STXBP5L: variants seen among roughly 807,000 people sequenced by gnomAD.
STXBP5L encodes syntaxin binding protein 5L, also known as syntaxin-binding protein 5-like.
A neutral mutation model predicts 144.5 loss-of-function variants in STXBP5L; 65 were observed. That is an observed-to-expected ratio of 0.45 (90% CI 0.37 to 0.55). The LOEUF is 0.55. Among genes scored for constraint, STXBP5L ranks in the 20% least tolerant of loss-of-function variants. The probability of loss-of-function intolerance (pLI) is 0.00; values close to 1 mark genes in which losing one functional copy is unlikely to be tolerated. For synonymous variants in STXBP5L, 505 were observed against 469.6 expected (o/e 1.08, Z -0.97); for missense variants, 1,298 against 1,405.5 (o/e 0.92, Z 1.22).
intron 3 of STXBP5L, among the ~76,000 whole-genome samples, chr3:120,986,759 AC>A (rs1942324663): frequency 6.6e-6 from 1 of 151,990 alleles, no homozygotes; most frequent in Admixed American, 6.6e-5. Flanking sequence ...GAAATAGCAA[AC>A]AAAAAAATAG....
intron 19 of STXBP5L, among the ~76,000 whole-genome samples, chr3:121,281,884 T>C (rs1166764635): frequency 6.6e-6 from 1 of 151,902 alleles, no homozygotes; most frequent in Non-Finnish European, 1.5e-5. Context: ...AAGACAATCA[T>C]TTTTTATTAA....
intron 3 of STXBP5L, among the ~76,000 whole-genome samples, chr3:120,995,750 A>G (rs1255604426): frequency 1.3e-5 from 2 of 152,128 alleles, no homozygotes; most frequent in Non-Finnish European, 2.9e-5. Flanking sequence ...ATATCAGATA[A>G]TGTTATAACT....
chr3:121,195,074 C>T (rs1326269590), intron 9 of STXBP5L, among the ~76,000 whole-genome samples: 3 of 151,866 alleles, frequency 2.0e-5, no homozygotes, highest in Non-Finnish European at 4.4e-5. Flanking sequence ...CGCCACCATG[C>T]CCAGCTAATT....
chr3:121,298,780 G>A (rs1041271332), intron 19 of STXBP5L, among the ~76,000 whole-genome samples: 2 of 152,160 alleles, frequency 1.3e-5, no homozygotes, highest in Non-Finnish European at 2.9e-5. Context: ...GAGAGCTACT[G>A]TTCAGTGGAT....
intron 19 of STXBP5L, among the ~76,000 whole-genome samples, chr3:121,313,001 C>T (rs924600081): frequency 2.0e-5 from 3 of 152,138 alleles, no homozygotes; most frequent in Non-Finnish European, 2.9e-5. Flanking sequence ...GGGTCATGGC[C>T]GGGCAGAGGG....
intron 5 of STXBP5L, among the ~76,000 whole-genome samples, chr3:121,072,588 C>A (rs929819741): frequency 6.6e-6 from 1 of 152,232 alleles, no homozygotes; most frequent in Non-Finnish European, 1.5e-5. Context: ...CCTGCTCAAA[C>A]GAAGCCTTTT....
intron 5 of STXBP5L, among the ~76,000 whole-genome samples, chr3:121,093,454 G>A (rs2042936913): frequency 6.6e-6 from 1 of 152,174 alleles, no homozygotes; most frequent in Admixed American, 6.5e-5. Context: ...TTCAGCTCCT[G>A]TTATTGGTCT....
chr3:120,998,717 AC>A (rs1214773080), intron 3 of STXBP5L, among the ~76,000 whole-genome samples: 2 of 152,076 alleles, frequency 1.3e-5, no homozygotes, highest in Non-Finnish European at 2.9e-5. Context: ...ATTCCTATAC[AC>A]CAAAAACATC....
At chr3:121,407,957 T>C (rs1245408817) in intron 23 of STXBP5L, among the ~76,000 whole-genome samples, 2 of 152,052 alleles carry the variant, frequency 1.3e-5, no homozygotes, top group East Asian at 1.9e-4. Context: ...ATAAGCTAAA[T>C]AGAAAAGAAG....
At chr3:121,054,146 C>G (rs555063110) in intron 5 of STXBP5L, among the ~76,000 whole-genome samples, 1 of 152,150 alleles carries the variant, frequency 6.6e-6, no homozygotes, top group South Asian at 2.1e-4. Flanking sequence ...GTTGGTGGGA[C>G]TGTAATCTAG....
At chr3:121,311,627 A>G (rs1031140759) in intron 19 of STXBP5L, among the ~76,000 whole-genome samples, 6 of 152,326 alleles carry the variant, frequency 3.9e-5, no homozygotes, top group African/African-American at 1.2e-4. Flanking sequence ...TAGGAATCCA[A>G]CTTACAAGGG....
At chr3:121,028,682 GGTA>G (rs1417873908) in intron 3 of STXBP5L, among the ~76,000 whole-genome samples, 1 of 151,612 alleles carries the variant, frequency 6.6e-6, no homozygotes, top group Non-Finnish European at 1.5e-5. Flanking sequence ...ATTTTTTTCT[GGTA>G]GTAGCAAAGA....
At chr3:121,215,850 AG>A (rs1026069079) in intron 10 of STXBP5L, among the ~76,000 whole-genome samples, 38 of 152,110 alleles carry the variant, frequency 2.5e-4, no homozygotes, top group Admixed American at 2.2e-3. Flanking sequence ...AATCAAACAT[AG>A]GTTTGGTCTT....
rs910672294 is a variant in STXBP5L at position 121,259,039 on chromosome 3, A to C, written c.1833-4A>C. On this transcript the variant is annotated splice_polypyrimidine_tract_variant and splice_region_variant and intron_variant, in intron 17 of 26. Transcript: ENST00000471454. ...ATATAATAGGATTGTTTTTGTTCTT[A>C]AAGTGTGAAGACACGGCCAGTGCGA... 5 of 1,589,794 alleles carry C rather than the reference A, an allele frequency of 3.1e-6. No individual in the cohort carries two copies. The highest frequency in any genetic ancestry group is 4.3e-6 in the Non-Finnish European group (5 of 1,167,224).
intron 3 of STXBP5L, among the ~76,000 whole-genome samples, chr3:120,987,711 A>G (rs1044198991): frequency 1.9e-4 from 29 of 151,838 alleles, no homozygotes; most frequent in Non-Finnish European, 2.8e-4. Context: ...TTTTTAAAAA[A>G]TAAAATTTAC....
At chr3:121,294,066 A>G (rs1577383304) in intron 19 of STXBP5L, among the ~76,000 whole-genome samples, 2 of 152,350 alleles carry the variant, frequency 1.3e-5, no homozygotes, top group African/African-American at 4.8e-5. Context: ...TAATTTAAGC[A>G]GGGGAATGAT....
At chr3:121,017,094 C>A (rs570761711) in intron 3 of STXBP5L, among the ~76,000 whole-genome samples, 3 of 152,030 alleles carry the variant, frequency 2.0e-5, no homozygotes, top group Non-Finnish European at 4.4e-5. Context: ...ACACTATGAC[C>A]AAGTGGGATT....
intron 9 of STXBP5L, among the ~76,000 whole-genome samples, chr3:121,191,647 C>T (rs1365612950): frequency 6.6e-6 from 1 of 152,080 alleles, no homozygotes; most frequent in African/African-American, 2.4e-5. Flanking sequence ...AATATTGATT[C>T]TTCCTATCCG....
intron 5 of STXBP5L, among the ~76,000 whole-genome samples, chr3:121,056,518 A>T (rs949938538): frequency 3.2e-4 from 48 of 152,182 alleles, no homozygotes; most frequent in Non-Finnish European, 8.8e-5. Flanking sequence ...GGCAAACTGG[A>T]TCCATCTGAA....
Sources: allele counts gnomAD v4.1 joint callset (sites outside exome capture counted in the v4.1 genomes callset), GRCh38; gene constraint gnomAD v4.1.1; transcripts MANE v1.5; gene names NCBI Gene and HGNC (gene_info 2026-07-23, HGNC 2026-07-21).